FBXW7: variants seen among roughly 807,000 people sequenced by gnomAD.
The protein encoded by FBXW7 is F-box/WD repeat-containing protein 7.
Under a neutral mutation model 86.3 loss-of-function variants are expected in FBXW7, and 11 were observed. The ratio of observed to expected loss-of-function variants is 0.13; its 90% CI spans 0.08 to 0.21. The LOEUF (loss-of-function observed/expected upper bound fraction) is 0.21. Among genes scored for constraint, FBXW7 ranks in the 10% least tolerant of loss-of-function variants. The probability of loss-of-function intolerance (pLI) is 1.00; values close to 1 mark genes in which losing one functional copy is unlikely to be tolerated. For synonymous variants in FBXW7, 313 were observed against 297.9 expected, an observed-to-expected ratio of 1.05 and a Z score of -0.52; for missense variants, 488 against 847.4, an observed-to-expected ratio of 0.58 and a Z score of 5.27.
At chr4:152,334,451 A>G (rs1274126886) in intron 7 of FBXW7, among the ~76,000 whole-genome samples, 2 of 152,218 alleles carry the variant, frequency 1.3e-5, no homozygotes. Flanking sequence ...TTAACATAGA[A>G]GCTATCAGGC....
Position 152,534,953 on chromosome 4 carries a change from G to A in FBXW7, c.-132C>T, listed in dbSNP as rs1328627326. 6.6e-6 allele frequency: 1 copy of A among 152,200 alleles called. No homozygotes were observed. Among genetic ancestry groups the A allele is most frequent in the Non-Finnish European group, 1.5e-5 (1 of 68,038 alleles). 9.4% of individuals were successfully genotyped at this position (152,200 alleles called of 1,614,324 possible). ...CGGGGCCACTCACACTTTTAGAAAA[G>A]AGCCGCGGCGCCGAGAAAGTGGGTT... On this transcript the variant is annotated 5_prime_UTR_variant, in exon 2 of 14. Coordinates refer to ENST00000281708, the MANE Select transcript of FBXW7 (RefSeq NM_001349798.2).
rs1732510269 is a variant in FBXW7 at position 152,357,557 on chromosome 4, G to A, written c.502-7433C>T. Among the ~76,000 whole-genome samples, 3 of 152,182 alleles carry A rather than the reference G, an allele frequency of 2.0e-5. No homozygotes were observed. The South Asian group carries it at 6.2e-4, about 32-fold the overall frequency. Reference sequence around the variant, plus strand: ...GCTAGTCTCGAACTCCTGGCCTCAAGTAATCCGCCCGCCTCAGCCTCCCAA... The same window carrying A: ...GCTAGTCTCGAACTCCTGGCCTCAAATAATCCGCCCGCCTCAGCCTCCCAA... On this transcript the variant is annotated intron_variant, in intron 4 of 13. Transcript: ENST00000281708.
intron 2 of FBXW7, among the ~76,000 whole-genome samples, chr4:152,527,308 T>C (rs1036720618): frequency 6.6e-6 from 1 of 152,258 alleles, no homozygotes; most frequent in Non-Finnish European, 1.5e-5. Flanking sequence ...GTAAACTAGC[T>C]GCCTGTTGCT....
chr4:152,353,628 G>T (rs1402407001), intron 4 of FBXW7, among the ~76,000 whole-genome samples: 1 of 152,086 alleles, frequency 6.6e-6, no homozygotes, highest in Non-Finnish European at 1.5e-5. Context: ...ATTTAATCTG[G>T]AGTAAACAGG....
At chr4:152,528,940 G>T (rs920169965) in intron 2 of FBXW7, among the ~76,000 whole-genome samples, 1 of 150,094 alleles carries the variant, frequency 6.7e-6, no homozygotes, top group African/African-American at 2.4e-5. Context: ...TACATACTTT[G>T]TGTGTGTGTG....
chr4:152,399,716 C>A (rs945978176), intron 4 of FBXW7, among the ~76,000 whole-genome samples: 1 of 151,714 alleles, frequency 6.6e-6, no homozygotes, highest in Non-Finnish European at 1.5e-5. Context: ...ATTAGCAGCC[C>A]CCTGAAATAA....
chr4:152,363,860 T>C (rs1179234934), intron 4 of FBXW7, among the ~76,000 whole-genome samples: 1 of 152,128 alleles, frequency 6.6e-6, no homozygotes, highest in Non-Finnish European at 1.5e-5. Context: ...TTAAGGTAGA[T>C]GGGATTTGAA....
rs1560755831 is a variant in FBXW7 at position 152,324,271 on chromosome 4, T to C, written c.1768A>G (p.Lys590Glu). The change falls in exon 13 of 14, where the codon AAA becomes GAA. Residue 590 changes from lysine (K) to glutamate (E), a missense_variant. Physicochemically the swap from Lys to Glu is moderately conservative, Grantham distance 56. Coordinates refer to ENST00000281708, the MANE Select transcript of FBXW7 (RefSeq NM_001349798.2). The part of the protein sequence containing the change: ...HQSLTSGMEL[K>E]DNILVSGNAD... ...TTCCCAGAGACAAGAATATTGTCTT[T>C]GAGTTCCATTCCACTTGTTAACGAC... The C allele has an allele frequency of 6.2e-7, 1 of 1,613,264 alleles. No homozygotes were observed.
At chr4:152,330,122 C>T (rs777152935) in intron 9 of FBXW7, among the ~76,000 whole-genome samples, 62 of 151,758 alleles carry the variant, frequency 4.1e-4, no homozygotes, top group Non-Finnish European at 7.2e-4. Flanking sequence ...AACTTTGACA[C>T]ACAAGAACAA....
At chr4:152,515,752 T>TC (rs1304882861) in intron 2 of FBXW7, among the ~76,000 whole-genome samples, 1 of 149,418 alleles carries the variant, frequency 6.7e-6, no homozygotes, top group African/African-American at 2.5e-5. Flanking sequence ...ACCACAACTC[T>TC]CTTTTTTTTT....
At chr4:152,415,835 C>T (rs970009278) in intron 2 of FBXW7, among the ~76,000 whole-genome samples, 2 of 152,060 alleles carry the variant, frequency 1.3e-5, no homozygotes, top group African/African-American at 4.8e-5. Context: ...AGCTATTCCT[C>T]TTTTTATTTC....
At chr4:152,425,269 ATC>A (rs1739278537) in intron 2 of FBXW7, among the ~76,000 whole-genome samples, 2 of 152,194 alleles carry the variant, frequency 1.3e-5, no homozygotes, top group South Asian at 4.1e-4. Flanking sequence ...CTTGAGCCTC[ATC>A]TCTGAGTCCA....
chr4:152,447,181 C>A (rs1215926018), intron 2 of FBXW7, among the ~76,000 whole-genome samples: 1 of 152,110 alleles, frequency 6.6e-6, no homozygotes, highest in African/African-American at 2.4e-5. Flanking sequence ...ATTTGAATAC[C>A]ACATGTGATG....
At chr4:152,506,509 C>G (rs1236778142) in intron 2 of FBXW7, among the ~76,000 whole-genome samples, 2 of 152,192 alleles carry the variant, frequency 1.3e-5, no homozygotes, top group African/African-American at 4.8e-5. Flanking sequence ...GAGTAAGGTA[C>G]AGCACTAAGA....
chr4:152,400,265 A>G (rs77204059), intron 4 of FBXW7, among the ~76,000 whole-genome samples: 2,084 of 152,358 alleles, frequency 0.014, 26 homozygotes, highest in Middle Eastern at 0.037. Flanking sequence ...AAGGCCTTAC[A>G]ACCTTCACAA....
chr4:152,494,518 G>A (rs1412429675), intron 2 of FBXW7, among the ~76,000 whole-genome samples: 1 of 152,144 alleles, frequency 6.6e-6, no homozygotes, highest in Non-Finnish European at 1.5e-5. Flanking sequence ...CAGCATTCAG[G>A]TGGTATAGGA....
intron 2 of FBXW7, among the ~76,000 whole-genome samples, chr4:152,507,983 A>C (rs1195896190): frequency 6.6e-6 from 1 of 151,938 alleles, no homozygotes; most frequent in Non-Finnish European, 1.5e-5. Context: ...CAGGGGGATC[A>C]CTTGAGCCCA....
intron 2 of FBXW7, among the ~76,000 whole-genome samples, chr4:152,478,208 A>G (rs1744592220): frequency 6.6e-6 from 1 of 152,060 alleles, no homozygotes; most frequent in Admixed American, 6.6e-5. Flanking sequence ...TAGAAACTCT[A>G]TACTCATTAA....
chr4:152,382,507 C>T, intron 4 of FBXW7: 1 of 1,187,742 alleles, frequency 8.4e-7, no homozygotes, highest in Non-Finnish European at 1.0e-6. Flanking sequence ...ATGTCCTGAC[C>T]TGTCTGAGGC....
Sources: allele counts gnomAD v4.1 joint callset (sites outside exome capture counted in the v4.1 genomes callset), GRCh38; gene constraint gnomAD v4.1.1; transcripts MANE v1.5; gene names NCBI Gene and HGNC (gene_info 2026-07-23, HGNC 2026-07-21).